Variants in LRRC8B observed in about 807,000 individuals in gnomAD.
LRRC8B encodes the protein volume-regulated anion channel subunit LRRC8B.
In LRRC8B, 23 loss-of-function variants were observed where a neutral mutation model predicts 58.8. That is an observed-to-expected ratio of 0.39 (90% CI 0.28 to 0.55). The LOEUF is 0.55. Among genes scored for constraint, LRRC8B ranks in the 20% least tolerant of loss-of-function variants. The pLI, the probability that LRRC8B is intolerant of heterozygous loss-of-function variation, is 0.62. For synonymous variants in LRRC8B, 359 were observed against 374.1 expected (o/e 0.96, Z 0.47); for missense variants, 694 against 936.0 (o/e 0.74, Z 3.37).
At position 89,582,636 on chromosome 1, in the gene LRRC8B, C is replaced by T; in HGVS notation, c.-15C>T. 6.3e-7 allele frequency: 1 copy of T among 1,588,936 alleles called. No individual in the cohort carries two copies. Among genetic ancestry groups the T allele is most frequent in the Non-Finnish European group, 8.6e-7 (1 of 1,158,792 alleles). ...TTTCCCTCTTCCAGTTTCTGTCCTC[C>T]TACAAGGGAAAGTCATGATTACACT... On this transcript the variant is annotated 5_prime_UTR_variant, in exon 5 of 6. Transcript: ENST00000330947.
chr1:89,562,329 A>G (rs753303110), intron 1 of LRRC8B, among the ~76,000 whole-genome samples: 10 of 152,162 alleles, frequency 6.6e-5, no homozygotes, highest in East Asian at 1.9e-4. Context: ...AATACTTTGC[A>G]TATCCATTAA....
At chr1:89,533,129 T>C (rs535508236) in intron 1 of LRRC8B, among the ~76,000 whole-genome samples, 1 of 152,338 alleles carries the variant, frequency 6.6e-6, no homozygotes, top group East Asian at 1.9e-4. Context: ...GCATAGTCTA[T>C]CTGCCAGCAT....
rs1336104347 is a variant in LRRC8B at position 89,597,551 on chromosome 1, A to G, written c.*4508A>G. The G allele has an allele frequency of 1.3e-5, 2 of 152,232 alleles. No individual in the cohort carries two copies. Among genetic ancestry groups the G allele is most frequent in the African/African-American group, 4.8e-5 (2 of 41,462 alleles). The allele number at this position is 152,232 out of a possible 1,614,324, so 9.4% of individuals were successfully genotyped here. On this transcript the variant is annotated 3_prime_UTR_variant, in exon 6 of 6. Transcript: ENST00000330947. Reference sequence around the variant, plus strand: ...TTCAAATACTTCACTTAGTGAAATAATGGGCCAATCTGGAATAGAGACATT... The same window carrying G: ...TTCAAATACTTCACTTAGTGAAATAGTGGGCCAATCTGGAATAGAGACATT...
intron 5 of LRRC8B, among the ~76,000 whole-genome samples, chr1:89,588,945 G>A (rs1248625830): frequency 2.6e-5 from 4 of 151,990 alleles, no homozygotes; most frequent in African/African-American, 7.2e-5. Context: ...TTTGTGACCC[G>A]TAAAAATTAT....
chr1:89,542,492 T>C (rs567265207), intron 1 of LRRC8B, among the ~76,000 whole-genome samples: 4 of 152,346 alleles, frequency 2.6e-5, no homozygotes, highest in African/African-American at 9.6e-5. Flanking sequence ...AGCCACTAAA[T>C]ATTTACTGAA....
chr1:89,575,859 C>T (rs369437143), intron 3 of LRRC8B, among the ~76,000 whole-genome samples: 1 of 152,252 alleles, frequency 6.6e-6, no homozygotes, highest in African/African-American at 2.4e-5. Context: ...TTTAATTTCC[C>T]TTGACTATTT....
intron 1 of LRRC8B, among the ~76,000 whole-genome samples, chr1:89,547,540 C>T (rs959852389): frequency 2.6e-5 from 4 of 152,174 alleles, no homozygotes; most frequent in Non-Finnish European, 5.9e-5. Flanking sequence ...AATAAATTGC[C>T]TGTACCTAGT....
At chr1:89,563,284 A>T (rs192375687) in intron 1 of LRRC8B, among the ~76,000 whole-genome samples, 1 of 152,258 alleles carries the variant, frequency 6.6e-6, no homozygotes, top group East Asian at 1.9e-4. Flanking sequence ...ATATTGTTGT[A>T]CAACCATGAT....
At chr1:89,574,332 A>G (rs991912917) in intron 3 of LRRC8B, among the ~76,000 whole-genome samples, 3 of 152,236 alleles carry the variant, frequency 2.0e-5, no homozygotes, top group African/African-American at 7.2e-5. Flanking sequence ...GGTACCTAGA[A>G]GTGAGATGCT....
intron 1 of LRRC8B, among the ~76,000 whole-genome samples, chr1:89,564,915 AG>A (rs1213528266): frequency 2.0e-5 from 3 of 152,358 alleles, no homozygotes; most frequent in African/African-American, 7.2e-5. Context: ...CTCAAGCACT[AG>A]GCTGATTTGC....
chr1:89,562,576 C>T (rs1366673650), intron 1 of LRRC8B, among the ~76,000 whole-genome samples: 3 of 152,008 alleles, frequency 2.0e-5, no homozygotes, highest in Non-Finnish European at 2.9e-5. Flanking sequence ...TGAACTCAAG[C>T]AGTCCTGTCT....
intron 1 of LRRC8B, among the ~76,000 whole-genome samples, chr1:89,555,207 C>T (rs1001413497): frequency 1.3e-5 from 2 of 152,080 alleles, no homozygotes; most frequent in East Asian, 1.9e-4. Flanking sequence ...GTTATTTGTG[C>T]GTTATTTTAG....
intron 1 of LRRC8B, among the ~76,000 whole-genome samples, chr1:89,526,587 A>G (rs568016181): frequency 3.2e-4 from 48 of 152,188 alleles, no homozygotes; most frequent in Non-Finnish European, 5.4e-4. Flanking sequence ...GAGAATATAA[A>G]GTGACAGCCA....
At chr1:89,542,067 G>A (rs1651039202) in intron 1 of LRRC8B, among the ~76,000 whole-genome samples, 1 of 152,090 alleles carries the variant, frequency 6.6e-6, no homozygotes, top group Non-Finnish European at 1.5e-5. Flanking sequence ...TTTGAAACTT[G>A]AACACAAACC....
chr1:89,540,756 T>C (rs1012061824), intron 1 of LRRC8B, among the ~76,000 whole-genome samples: 1 of 152,178 alleles, frequency 6.6e-6, no homozygotes, highest in Non-Finnish European at 1.5e-5. Context: ...GAGGGTGTGC[T>C]GAAGATGAGA....
chr1:89,531,905 G>A (rs1330748899), intron 1 of LRRC8B, among the ~76,000 whole-genome samples: 1 of 152,132 alleles, frequency 6.6e-6, no homozygotes, highest in Non-Finnish European at 1.5e-5. Flanking sequence ...GTTTATGTTG[G>A]CCAGTGGTGC....
chr1:89,578,176 A>G (rs1653983404), intron 3 of LRRC8B, among the ~76,000 whole-genome samples: 1 of 152,216 alleles, frequency 6.6e-6, no homozygotes, highest in African/African-American at 2.4e-5. Flanking sequence ...AGGTAGAAAA[A>G]CAGATGTTAA....
At chr1:89,568,848 A>G (rs1653224990) in intron 3 of LRRC8B, among the ~76,000 whole-genome samples, 1 of 152,096 alleles carries the variant, frequency 6.6e-6, no homozygotes, top group Non-Finnish European at 1.5e-5. Flanking sequence ...TTAAGGTAGG[A>G]TTTTTAATGC....
intron 5 of LRRC8B, among the ~76,000 whole-genome samples, chr1:89,590,956 T>C (rs1654936483): frequency 6.6e-6 from 1 of 152,190 alleles, no homozygotes; most frequent in Non-Finnish European, 1.5e-5. Context: ...CACTGGTAAC[T>C]GGTGGGTAGA....
Sources: allele counts gnomAD v4.1 joint callset (sites outside exome capture counted in the v4.1 genomes callset), GRCh38; gene constraint gnomAD v4.1.1; transcripts MANE v1.5; gene names NCBI Gene and HGNC (gene_info 2026-07-23, HGNC 2026-07-21).